Variants in PTPRN2 observed in about 807,000 individuals in gnomAD.
The protein encoded by PTPRN2 is protein tyrosine phosphatase receptor type N2.
A neutral mutation model predicts 118.8 loss-of-function variants in PTPRN2; 74 were observed. The observed-to-expected ratio is 0.62, with a 90% CI of 0.52 to 0.76. The LOEUF (loss-of-function observed/expected upper bound fraction) is 0.76. Ranked by LOEUF, PTPRN2 falls within the 30% of genes least tolerant of loss-of-function variation. The pLI is 0.00. For synonymous variants in PTPRN2, 641 were observed against 608.0 expected (o/e 1.05, Z -0.80); for missense variants, 1,481 against 1,394.4 (o/e 1.06, Z -0.99).
chr7:157,557,544 A>ACTCC (rs1798966102), intron 21 of PTPRN2, among the ~76,000 whole-genome samples: 1 of 42,068 alleles, frequency 2.4e-5, no homozygotes, highest in Non-Finnish European at 4.8e-5. Context: ...CACCCATCAC[A>ACTCC]CACACTCCCA....
chr7:158,295,067 C>A (rs1372435071), intron 3 of PTPRN2, among the ~76,000 whole-genome samples: 4 of 145,934 alleles, frequency 2.7e-5, no homozygotes, highest in Non-Finnish European at 4.5e-5. Context: ...GCCCGCTGAC[C>A]CTGCCTGTCT....
chr7:157,960,216 C>A (rs1801434619), intron 11 of PTPRN2, among the ~76,000 whole-genome samples: 1 of 152,104 alleles, frequency 6.6e-6, no homozygotes, highest in Non-Finnish European at 1.5e-5. Flanking sequence ...TACAGAGTTT[C>A]AGTTTGAGAA....
intron 2 of PTPRN2, among the ~76,000 whole-genome samples, chr7:158,341,573 T>G (rs1806806248): frequency 2.1e-5 from 2 of 97,424 alleles, no homozygotes; most frequent in Admixed American, 1.1e-4. Context: ...ACCCACACTC[T>G]CACCATAAGA....
chr7:157,748,395 G>A (rs1441054927), intron 12 of PTPRN2, among the ~76,000 whole-genome samples: 1 of 150,504 alleles, frequency 6.6e-6, no homozygotes, highest in African/African-American at 2.5e-5. Flanking sequence ...TTTGAGGCCT[G>A]CGTCCCTGAG....
At chr7:158,021,524 G>A (rs1412002837) in intron 11 of PTPRN2, among the ~76,000 whole-genome samples, 2 of 152,008 alleles carry the variant, frequency 1.3e-5, no homozygotes. Flanking sequence ...GGAATATATC[G>A]GTAATTAGCA....
intron 6 of PTPRN2, among the ~76,000 whole-genome samples, chr7:158,165,268 C>T (rs956101866): frequency 3.3e-5 from 5 of 152,080 alleles, no homozygotes; most frequent in South Asian, 2.1e-4. Flanking sequence ...AGGGGTTTCT[C>T]GGAGTAGAGC....
chr7:158,035,606 G>A (rs547643048), intron 11 of PTPRN2, among the ~76,000 whole-genome samples: 4 of 152,304 alleles, frequency 2.6e-5, no homozygotes, highest in South Asian at 2.1e-4. Flanking sequence ...CCAACAACCC[G>A]TCCACAGGCA....
intron 10 of PTPRN2, among the ~76,000 whole-genome samples, chr7:158,096,280 T>C (rs986250327): frequency 3.3e-5 from 5 of 152,146 alleles, no homozygotes; most frequent in African/African-American, 4.8e-5. Context: ...GCATGAACCA[T>C]GTGTGGGGCC....
chr7:157,958,604 C>A (rs1801330420), intron 11 of PTPRN2, among the ~76,000 whole-genome samples: 2 of 152,142 alleles, frequency 1.3e-5, no homozygotes. Context: ...ATTTGTACTT[C>A]TATACACTAA....
chr7:157,601,750 G>T (rs760662664), intron 16 of PTPRN2, among the ~76,000 whole-genome samples: 2 of 152,252 alleles, frequency 1.3e-5, no homozygotes, highest in African/African-American at 4.8e-5. Context: ...CCCATCGAGT[G>T]GGGGAGAGTG....
At chr7:158,214,743 C>T (rs1426595729) in intron 3 of PTPRN2, among the ~76,000 whole-genome samples, 2 of 152,098 alleles carry the variant, frequency 1.3e-5, no homozygotes, top group South Asian at 2.1e-4. Flanking sequence ...GAAGTTGAAA[C>T]TCCCACCCCT....
At chr7:158,195,953 A>C (rs960653510) in intron 4 of PTPRN2, among the ~76,000 whole-genome samples, 1 of 151,898 alleles carries the variant, frequency 6.6e-6, no homozygotes, top group African/African-American at 2.4e-5. Context: ...GACCAGTTCA[A>C]CCCTCTCGGT....
chr7:158,040,954 A>T (rs1298466174), intron 11 of PTPRN2, among the ~76,000 whole-genome samples: 1 of 152,132 alleles, frequency 6.6e-6, no homozygotes, highest in African/African-American at 2.4e-5. Context: ...GCTGGTCTTG[A>T]ACTCCTGACC....
intron 2 of PTPRN2, among the ~76,000 whole-genome samples, chr7:158,347,718 AATTC>A (rs1264927235): frequency 2.3e-4 from 1 of 4,314 alleles, no homozygotes; most frequent in Non-Finnish European, 3.9e-3. Context: ...TAACAATATT[AATTC>A]TTTCAATCAA....
At position 158,040,736 on chromosome 7, in the gene PTPRN2, C is replaced by CTTTTTTTT. The variant is rs58192875; in HGVS notation, c.1723+40554_1723+40561dup. Among the ~76,000 whole-genome samples, 57 of 142,202 alleles carry CTTTTTTTT rather than the reference C, an allele frequency of 4.0e-4. 5 individuals are homozygous for CTTTTTTTT. The highest frequency in any genetic ancestry group is 1.2e-3 in the African/African-American group (46 of 38,280). The allele number at this position is 142,202 out of a possible 152,430, so 93.3% of individuals were successfully genotyped here. On this transcript the variant is annotated intron_variant, in intron 11 of 22. Coordinates refer to ENST00000389418, the MANE Select transcript of PTPRN2 (RefSeq NM_002847.5). ...TTGATCTGCCTTTCTTTTTTTCTTT[C>CTTTTTTTT]TTTTTTTTTTTTTTGAGATGGAATC...
intron 12 of PTPRN2, among the ~76,000 whole-genome samples, chr7:157,882,721 A>ATG (rs1383851926): frequency 6.8e-6 from 1 of 146,414 alleles, no homozygotes; most frequent in Non-Finnish European, 1.5e-5. Flanking sequence ...CACCCCAAAA[A>ATG]ACTGTTGAAG....
intron 14 of PTPRN2, among the ~76,000 whole-genome samples, chr7:157,652,904 C>T (rs1251765369): frequency 6.6e-6 from 1 of 152,252 alleles, no homozygotes; most frequent in Non-Finnish European, 1.5e-5. Context: ...GAATCCCAGC[C>T]TCTGTGCAGA....
At chr7:158,430,706 C>T (rs986967196) in intron 2 of PTPRN2, among the ~76,000 whole-genome samples, 2 of 152,232 alleles carry the variant, frequency 1.3e-5, no homozygotes, top group East Asian at 1.9e-4. Context: ...TGCAGGAAGC[C>T]GCAGCCCGGC....
chr7:157,697,904 C>T (rs1377497795), intron 12 of PTPRN2, among the ~76,000 whole-genome samples: 2 of 150,704 alleles, frequency 1.3e-5, no homozygotes, highest in Non-Finnish European at 3.0e-5. Flanking sequence ...GAGCCCTCAC[C>T]ATCTACTCAT....
Sources: gnomAD v4.1 joint callset for allele counts (sites outside exome capture counted in the v4.1 genomes callset) on GRCh38, gnomAD v4.1.1 for gene constraint, MANE v1.5 for transcripts, NCBI Gene and HGNC (gene_info 2026-07-23, HGNC 2026-07-21) for gene names.